TMOD1: variants seen among roughly 807,000 people sequenced by gnomAD.
TMOD1 encodes tropomodulin-1.
A neutral mutation model predicts 40.6 loss-of-function variants in TMOD1; 17 were observed. The ratio of observed to expected loss-of-function variants is 0.42; its 90% CI spans 0.29 to 0.63. The LOEUF (loss-of-function observed/expected upper bound fraction) is 0.63, where lower values mean the gene tolerates loss of function less well. Among genes scored for constraint, TMOD1 ranks in the 20% least tolerant of loss-of-function variants. The pLI is 0.22. For missense variants in TMOD1, 391 were observed against 447.6 expected (o/e 0.87, Z 1.14); for synonymous variants, 181 against 175.0 (o/e 1.03, Z -0.27).
intron 5 of TMOD1, among the ~76,000 whole-genome samples, chr9:97,563,077 A>G (rs1830665103): frequency 2.6e-5 from 4 of 152,170 alleles, no homozygotes; most frequent in Admixed American, 2.6e-4. Context: ...TTTTTTAGAC[A>G]GGGTCTTGCT....
chr9:97,589,279 A>T (rs1377587006), intron 8 of TMOD1, among the ~76,000 whole-genome samples: 1 of 109,472 alleles, frequency 9.1e-6, no homozygotes, highest in Admixed American at 1.0e-4. Flanking sequence ...AAACTCACTA[A>T]TTTTTTTTTT....
chr9:97,530,570 C>A (rs1830081571), intron 2 of TMOD1, among the ~76,000 whole-genome samples: 1 of 151,528 alleles, frequency 6.6e-6, no homozygotes, highest in Non-Finnish European at 1.5e-5. Flanking sequence ...TCCCTGCAAG[C>A]TCTGCCTCCC....
intron 9 of TMOD1, among the ~76,000 whole-genome samples, chr9:97,594,519 C>G (rs1255301801): frequency 6.6e-6 from 1 of 152,218 alleles, no homozygotes; most frequent in Non-Finnish European, 1.5e-5. Context: ...GGGAGCAGGC[C>G]TCTCAGGCCT....
chr9:97,522,343 T>C (rs577320452), intron 1 of TMOD1, among the ~76,000 whole-genome samples: 37 of 152,270 alleles, frequency 2.4e-4, no homozygotes, highest in African/African-American at 8.2e-4. Context: ...CTTAGTGTGC[T>C]ATATCTGTGT....
At chr9:97,555,432 C>G (rs1457525660) in intron 4 of TMOD1, 3 of 1,399,564 alleles carry the variant, frequency 2.1e-6, no homozygotes, top group Non-Finnish European at 2.8e-6. Flanking sequence ...GCCTGCGGTT[C>G]CTGTGCCAGG....
rs557468079 is a variant in TMOD1 at position 97,536,473 on chromosome 9, C to T, written c.121-9712C>T. 1.3e-3 allele frequency among the ~76,000 whole-genome samples: 198 copies of T among 152,230 alleles called. 1 individual carries two copies. The highest frequency in any genetic ancestry group is 4.5e-3 in the African/African-American group (189 of 41,554). On this transcript the variant is annotated intron_variant, in intron 2 of 9. Coordinates refer to ENST00000259365, the MANE Select transcript of TMOD1 (RefSeq NM_003275.4). ...TTTCACTCCTACCCCAGGACAATTA[C>T]TCAATGCCCCTGGACCTCGGTTTCT...
rs1453267578 is a variant in TMOD1 at position 97,599,895 on chromosome 9, T to G, written c.*197T>G. 1 of 1,364,148 alleles carries G rather than the reference T, an allele frequency of 7.3e-7. No individual in the cohort carries two copies. The highest frequency in any genetic ancestry group is 9.5e-7 in the Non-Finnish European group (1 of 1,052,924). 84.5% of individuals were successfully genotyped at this position (1,364,148 alleles called of 1,614,324 possible). ...AATACCGTTAATGTGAAGTTTTTCT[T>G]TAGTCACAGAAGTTGAATCTGGTTA... On this transcript the variant is annotated 3_prime_UTR_variant, in exon 10 of 10. Coordinates refer to ENST00000259365, the MANE Select transcript of TMOD1 (RefSeq NM_003275.4).
In TMOD1 at chr9:97,502,963, T is replaced by C. The variant is rs1172500996; in HGVS notation, c.-49+1160T>C. On this transcript the variant is annotated intron_variant, in intron 1 of 9. Transcript: ENST00000259365. This position sits in a 1 kb window ranked among gnomAD's most constrained non-coding sequence, Gnocchi z 6.1. ...CCCTCCTACACCCTTCACCCACCGC[T>C]ACTATTACAGACCCTGTCTCCAGCC... Among the ~76,000 whole-genome samples the C allele has an allele frequency of 6.6e-6, 1 of 152,034 alleles. No individual in the cohort carries two copies. Among genetic ancestry groups the C allele is most frequent in the Non-Finnish European group, 1.5e-5 (1 of 67,988 alleles).
intron 8 of TMOD1, among the ~76,000 whole-genome samples, chr9:97,570,186 C>T (rs1008835608): frequency 1.3e-5 from 2 of 152,120 alleles, no homozygotes; most frequent in African/African-American, 4.8e-5. Context: ...GGTCAAGAAA[C>T]GAAAACATTA....
intron 3 of TMOD1, among the ~76,000 whole-genome samples, chr9:97,552,223 C>T (rs1315582175): frequency 1.3e-5 from 2 of 152,136 alleles, no homozygotes; most frequent in Non-Finnish European, 2.9e-5. Flanking sequence ...TGTTGAATAG[C>T]AGCAGTAAAA....
At chr9:97,596,666 C>T (rs1356295672) in intron 9 of TMOD1, among the ~76,000 whole-genome samples, 1 of 152,216 alleles carries the variant, frequency 6.6e-6, no homozygotes, top group Non-Finnish European at 1.5e-5. Flanking sequence ...GAGGTCGTCT[C>T]TTGACATCTC....
chr9:97,528,114 A>T (rs1830044897), intron 2 of TMOD1, among the ~76,000 whole-genome samples: 1 of 152,200 alleles, frequency 6.6e-6, no homozygotes, highest in Admixed American at 6.5e-5. Flanking sequence ...CAGCCTCAGC[A>T]GCAAATACCC....
chr9:97,553,531 T>C (rs1202913961), intron 4 of TMOD1, 131 bp downstream of exon 4: 1 of 1,301,324 alleles, frequency 7.7e-7, no homozygotes, highest in Non-Finnish European at 1.0e-6. Context: ...AGACCGAGAG[T>C]GTTCAAACAA....
At position 97,564,081 on chromosome 9, in the gene TMOD1, AC is replaced by A; in HGVS notation, c.533del (p.Pro178GlnfsTer6). On this transcript the variant is annotated frameshift_variant, in exon 6 of 10. Transcript: ENST00000259365. LOFTEE classifies it high-confidence loss of function. The stretch of plus-strand genomic sequence containing the variant: ...AATACAAGCCTGTGCCCGACGAAGA[AC>A]CAAATTCAACAGACGTAGAGGAAAC... Reference protein sequence around the residue: ...TQYKPVPDEEPNSTDVEETLE... With the variant: ...TQYKPVPDEEXNSTDVEETLE... 1 of 1,614,222 alleles carries A rather than the reference AC, an allele frequency of 6.2e-7. No homozygotes were observed. Among genetic ancestry groups the A allele is most frequent in the Non-Finnish European group, 8.5e-7 (1 of 1,180,040 alleles).
intron 9 of TMOD1, among the ~76,000 whole-genome samples, chr9:97,592,232 C>T (rs1826017649): frequency 6.6e-6 from 1 of 151,792 alleles, no homozygotes; most frequent in African/African-American, 2.4e-5. Context: ...TTTGATATAG[C>T]ATTCAACAAA....
intron 8 of TMOD1, among the ~76,000 whole-genome samples, chr9:97,589,949 A>G (rs1450674374): frequency 1.3e-5 from 2 of 152,074 alleles, no homozygotes; most frequent in East Asian, 1.9e-4. Flanking sequence ...CTTTCTCCCC[A>G]AATCCCACCA....
intron 1 of TMOD1, among the ~76,000 whole-genome samples, chr9:97,515,229 A>G (rs1014316499): frequency 6.7e-6 from 1 of 148,796 alleles, no homozygotes; most frequent in Admixed American, 6.7e-5. Context: ...CCACCATGCC[A>G]GATCAAGAGA....
chr9:97,565,976 T>C (rs1830721348), intron 7 of TMOD1, 21 bp downstream of exon 7: 1 of 1,604,692 alleles, frequency 6.2e-7, no homozygotes, highest in African/African-American at 1.3e-5. Context: ...TTCTGTTCTG[T>C]TGCATTGTGG....
At chr9:97,522,134 A>G (rs1308412993) in intron 1 of TMOD1, among the ~76,000 whole-genome samples, 1 of 152,240 alleles carries the variant, frequency 6.6e-6, no homozygotes, top group Admixed American at 6.5e-5. Context: ...CTGCTGGAAC[A>G]CAGTTCCACA....
Sources: allele counts gnomAD v4.1 joint callset (sites outside exome capture counted in the v4.1 genomes callset), GRCh38; gene constraint gnomAD v4.1.1; non-coding constraint Gnocchi (gnomAD v3.1); transcripts MANE v1.5; gene names NCBI Gene and HGNC (gene_info 2026-07-23, HGNC 2026-07-21).